Variants in SNX10 observed in about 807,000 individuals in gnomAD.
SNX10 encodes the protein sorting nexin 10.
A neutral mutation model predicts 28.5 loss-of-function variants in SNX10; 25 were observed. That is an observed-to-expected ratio of 0.88 (90% CI 0.64 to 1.22). SNX10 has a LOEUF of 1.22. Among genes scored for constraint, SNX10 ranks in the 50% most tolerant of loss-of-function variants. The probability of loss-of-function intolerance (pLI) is 0.00; values close to 1 mark genes in which losing one functional copy is unlikely to be tolerated. For missense variants in SNX10, 223 were observed against 242.6 expected (o/e 0.92, Z 0.54); for synonymous variants, 62 against 81.4 (o/e 0.76, Z 1.28).
intron 1 of SNX10, among the ~76,000 whole-genome samples, chr7:26,332,759 G>A (rs533608560): frequency 2.0e-5 from 3 of 152,258 alleles, no homozygotes; most frequent in African/African-American, 7.2e-5. Context: ...GTGGTATAAG[G>A]TAGGAGCTCA....
chr7:26,309,933 CA>C (rs1786755663), intron 1 of SNX10, among the ~76,000 whole-genome samples: 1 of 152,204 alleles, frequency 6.6e-6, no homozygotes, highest in Non-Finnish European at 1.5e-5. Flanking sequence ...TGAGATAATA[CA>C]TGTTGCAAGC....
At chr7:26,356,114 G>A (rs1788808429) in intron 2 of SNX10, among the ~76,000 whole-genome samples, 1 of 152,160 alleles carries the variant, frequency 6.6e-6, no homozygotes. Flanking sequence ...TGGGGTGTGG[G>A]GATGGGGGAA....
At chr7:26,333,089 C>T (rs1787802134) in intron 1 of SNX10, among the ~76,000 whole-genome samples, 1 of 152,078 alleles carries the variant, frequency 6.6e-6, no homozygotes, top group Non-Finnish European at 1.5e-5. Context: ...TTAAAATCAG[C>T]TTGTCAGTTT....
chr7:26,301,176 A>G (rs1208692832), intron 1 of SNX10, among the ~76,000 whole-genome samples: 1 of 152,194 alleles, frequency 6.6e-6, no homozygotes, highest in Non-Finnish European at 1.5e-5. Context: ...AACCACACAC[A>G]GAGTGTATGT....
chr7:26,362,655 T>A (rs1410349177), intron 3 of SNX10, among the ~76,000 whole-genome samples: 1 of 152,198 alleles, frequency 6.6e-6, no homozygotes, highest in Non-Finnish European at 1.5e-5. Context: ...CAATTAAAAG[T>A]GGATGGCAGA....
chr7:26,349,145 T>A (rs750154633), intron 2 of SNX10, among the ~76,000 whole-genome samples: 1 of 152,300 alleles, frequency 6.6e-6, no homozygotes, highest in East Asian at 1.9e-4. Context: ...GTATGACTGA[T>A]TGTTTTGGAA....
At chr7:26,331,799 T>C (rs755077555) in intron 1 of SNX10, among the ~76,000 whole-genome samples, 22 of 148,420 alleles carry the variant, frequency 1.5e-4, no homozygotes, top group Non-Finnish European at 3.0e-4. Flanking sequence ...CAACCAGTAG[T>C]CTATGTTCCA....
intron 1 of SNX10, among the ~76,000 whole-genome samples, chr7:26,331,840 A>G (rs942831311): frequency 2.0e-5 from 3 of 152,176 alleles, no homozygotes; most frequent in African/African-American, 7.2e-5. Context: ...CTGGACTTTC[A>G]TGTGAATGGA....
At chr7:26,326,738 T>C (rs1205390183) in intron 1 of SNX10, among the ~76,000 whole-genome samples, 1 of 152,164 alleles carries the variant, frequency 6.6e-6, no homozygotes, top group Non-Finnish European at 1.5e-5. Context: ...TATTTTTCCA[T>C]ATTTTTTGAA....
At chr7:26,315,480 A>T (rs1039142402) in intron 1 of SNX10, among the ~76,000 whole-genome samples, 3 of 152,176 alleles carry the variant, frequency 2.0e-5, no homozygotes, top group Admixed American at 6.5e-5. Context: ...CATCCTGGCT[A>T]ACATGGTGAA....
chr7:26,309,239 C>T (rs2127996662), intron 1 of SNX10, among the ~76,000 whole-genome samples: 1 of 152,192 alleles, frequency 6.6e-6, no homozygotes, highest in South Asian at 2.1e-4. Context: ...TCCATTCTTC[C>T]GGTTAGCCCT....
rs1330174548 is a variant in SNX10 at position 26,343,952 on chromosome 7, T to C, written c.-23-2468T>C. 3.9e-5 allele frequency among the ~76,000 whole-genome samples: 6 copies of C among 152,250 alleles called. No homozygotes were observed. In the South Asian group the frequency reaches 1.2e-3, roughly 32 times the overall value. ...ACCCCCACTTAGTCCCTCCATTCTT[T>C]AAAGTTTTGTTTTAAATGGTAAAAA... On this transcript the variant is annotated intron_variant, in intron 1 of 6. Transcript: ENST00000338523.
rs149079378 is a variant in SNX10, at chr7:26,312,525, C to T, written c.-24+20439C>T. Among the ~76,000 whole-genome samples, 970 of 152,248 alleles carry T rather than the reference C, an allele frequency of 6.4e-3. 10 individuals carry two copies. The highest frequency in any genetic ancestry group is 0.022 in the African/African-American group (924 of 41,492). ...GTGGTGCCGGGCATGGTGGCTCAAG[C>T]CTGTAATCCCAGCACTTTGGGAGGC... On this transcript the variant is annotated intron_variant, in intron 1 of 6. Coordinates refer to ENST00000338523, the MANE Select transcript of SNX10 (RefSeq NM_013322.3).
intron 1 of SNX10, among the ~76,000 whole-genome samples, chr7:26,334,003 A>G (rs554164890): frequency 6.6e-6 from 1 of 152,322 alleles, no homozygotes; most frequent in South Asian, 2.1e-4. Flanking sequence ...TATTTAAATC[A>G]CTAATACCAC....
intron 1 of SNX10, among the ~76,000 whole-genome samples, chr7:26,335,147 G>A (rs1379430105): frequency 6.6e-6 from 1 of 152,320 alleles, no homozygotes; most frequent in African/African-American, 2.4e-5. Context: ...CCCCAGGCAG[G>A]CCTGCACACT....
At chr7:26,324,428 T>C (rs1025884284) in intron 1 of SNX10, among the ~76,000 whole-genome samples, 2 of 152,216 alleles carry the variant, frequency 1.3e-5, no homozygotes, top group African/African-American at 2.4e-5. Context: ...GGTGTGATCA[T>C]GGCTCACTGT....
At chr7:26,330,365 C>T (rs905944148) in intron 1 of SNX10, among the ~76,000 whole-genome samples, 2 of 152,142 alleles carry the variant, frequency 1.3e-5, no homozygotes, top group African/African-American at 2.4e-5. Flanking sequence ...AGGTTATTGT[C>T]TGGAGATAAC....
chr7:26,361,227 G>A (rs1318887119), intron 3 of SNX10, among the ~76,000 whole-genome samples, 166 bp downstream of exon 3: 1 of 152,156 alleles, frequency 6.6e-6, no homozygotes, highest in African/African-American at 2.4e-5. Context: ...GGTTCCTAAA[G>A]TTGAAAAATT....
chr7:26,303,360 T>G (rs6975395), intron 1 of SNX10, among the ~76,000 whole-genome samples: 53,038 of 151,934 alleles, frequency 0.35, 9,404 homozygotes, highest in South Asian at 0.44. Flanking sequence ...AAGGCCCAAG[T>G]CCTCTAACTC....
Sources: gnomAD v4.1 joint callset for allele counts (sites outside exome capture counted in the v4.1 genomes callset) on GRCh38, gnomAD v4.1.1 for gene constraint, MANE v1.5 for transcripts, NCBI Gene and HGNC (gene_info 2026-07-23, HGNC 2026-07-21) for gene names.